GPC6: variants seen among roughly 807,000 people sequenced by gnomAD.
GPC6 encodes the protein glypican 6.
In GPC6, 14 loss-of-function variants were observed where a neutral mutation model predicts 55.2. That is an observed-to-expected ratio of 0.25 (90% confidence interval 0.17 to 0.40). The LOEUF (loss-of-function observed/expected upper bound fraction) is 0.40. Among genes scored for constraint, GPC6 ranks in the 10% least tolerant of loss-of-function variants. The pLI, the probability that GPC6 is intolerant of heterozygous loss-of-function variation, is 1.00. For missense variants in GPC6, 641 were observed against 708.5 expected (o/e 0.90, Z 1.08); for synonymous variants, 278 against 259.6 (o/e 1.07, Z -0.68).
intron 1 of GPC6, among the ~76,000 whole-genome samples, chr13:93,434,896 G>A (rs376404820): frequency 1.7e-4 from 26 of 151,920 alleles, no homozygotes; most frequent in African/African-American, 4.1e-4. Context: ...TAGTAGAGAC[G>A]AGGTTTCACC....
intron 6 of GPC6, among the ~76,000 whole-genome samples, chr13:94,362,152 A>C (rs565854251): frequency 6.6e-6 from 1 of 152,216 alleles, no homozygotes; most frequent in Non-Finnish European, 1.5e-5. Flanking sequence ...GCTTCAACAT[A>C]GGCTGAAATG....
intron 2 of GPC6, among the ~76,000 whole-genome samples, chr13:93,741,631 T>C (rs2138850015): frequency 6.6e-6 from 1 of 152,324 alleles, no homozygotes; most frequent in Non-Finnish European, 1.5e-5. Context: ...ATTGTATTAA[T>C]CTCCCTATAT....
At chr13:93,455,035 A>C (rs1468776092) in intron 1 of GPC6, among the ~76,000 whole-genome samples, 1 of 152,198 alleles carries the variant, frequency 6.6e-6, no homozygotes, top group Admixed American at 6.5e-5. Flanking sequence ...CCGGGTGCTA[A>C]GCCCCTTATT....
At chr13:93,552,053 T>C (rs1468990368) in intron 2 of GPC6, among the ~76,000 whole-genome samples, 1 of 152,212 alleles carries the variant, frequency 6.6e-6, no homozygotes, top group Non-Finnish European at 1.5e-5. Context: ...TCATAGGGCT[T>C]ATAATGTTAA....
chr13:93,486,339 G>A (rs778615732), intron 1 of GPC6, among the ~76,000 whole-genome samples: 1 of 152,104 alleles, frequency 6.6e-6, no homozygotes, highest in Non-Finnish European at 1.5e-5. Context: ...TTCATGGCCT[G>A]CAGTGGTCAA....
intron 1 of GPC6, among the ~76,000 whole-genome samples, chr13:93,252,432 C>A (rs573921471): frequency 6.6e-6 from 1 of 152,290 alleles, no homozygotes; most frequent in South Asian, 2.1e-4. Context: ...TTGATTTGTG[C>A]ACACTCGTGA....
intron 2 of GPC6, among the ~76,000 whole-genome samples, chr13:93,825,587 T>A (rs985156628): frequency 3.9e-5 from 6 of 152,174 alleles, no homozygotes; most frequent in African/African-American, 1.4e-4. Flanking sequence ...AATGGCACTG[T>A]GGGTCTCCCT....
At chr13:93,676,248 C>A (rs1881628185) in intron 2 of GPC6, among the ~76,000 whole-genome samples, 1 of 146,246 alleles carries the variant, frequency 6.8e-6, no homozygotes, top group African/African-American at 2.6e-5. Flanking sequence ...TATATACACA[C>A]ATATATATAC....
intron 3 of GPC6, among the ~76,000 whole-genome samples, chr13:93,934,701 A>G (rs1349436681): frequency 2.0e-5 from 3 of 151,128 alleles, no homozygotes; most frequent in African/African-American, 7.4e-5. Context: ...TAAGGATGTA[A>G]TATGTGACCA....
At chr13:93,957,188 T>G (rs1879547964) in intron 3 of GPC6, among the ~76,000 whole-genome samples, 2 of 152,170 alleles carry the variant, frequency 1.3e-5, no homozygotes, top group African/African-American at 2.4e-5. Context: ...CATAAACTAT[T>G]TACTATTTAA....
chr13:94,336,285 AATATG>A (rs1877696091), intron 6 of GPC6, among the ~76,000 whole-genome samples: 1 of 152,104 alleles, frequency 6.6e-6, no homozygotes, highest in African/African-American at 2.4e-5. Context: ...GAGCTGTTGA[AATATG>A]AACCAAGCAG....
At chr13:94,227,300 T>A (rs1890588527) in intron 4 of GPC6, among the ~76,000 whole-genome samples, 1 of 152,188 alleles carries the variant, frequency 6.6e-6, no homozygotes, top group Non-Finnish European at 1.5e-5. Context: ...AAGAAGAGCG[T>A]TAGTGTCTGT....
At chr13:93,805,534 A>ATAC (rs1296164264) in intron 2 of GPC6, among the ~76,000 whole-genome samples, 4 of 152,218 alleles carry the variant, frequency 2.6e-5, no homozygotes, top group African/African-American at 9.6e-5. Context: ...AGACTATCAT[A>ATAC]TACTACATTT....
At chr13:93,338,102 T>C (rs978930317) in intron 1 of GPC6, among the ~76,000 whole-genome samples, 3 of 152,190 alleles carry the variant, frequency 2.0e-5, no homozygotes, top group African/African-American at 7.2e-5. Context: ...TTTTAGGAAT[T>C]TGGATTCATG....
chr13:94,244,269 G>T (rs1465388911), intron 4 of GPC6, among the ~76,000 whole-genome samples: 1 of 152,130 alleles, frequency 6.6e-6, no homozygotes, highest in African/African-American at 2.4e-5. Flanking sequence ...ACTCCGCAAA[G>T]CTTAATTATG....
At chr13:93,504,524 C>A (rs1243730103) in intron 1 of GPC6, among the ~76,000 whole-genome samples, 2 of 124,548 alleles carry the variant, frequency 1.6e-5, no homozygotes, top group Non-Finnish European at 1.6e-5. Context: ...TGGATTGTAA[C>A]TTTTTTGGGG....
intron 2 of GPC6, among the ~76,000 whole-genome samples, chr13:93,693,673 C>T (rs1882345435): frequency 6.6e-6 from 1 of 151,956 alleles, no homozygotes; most frequent in Admixed American, 6.6e-5. Flanking sequence ...TTTTGGTAGA[C>T]ACAGGGTTTC....
chr13:94,044,948 T>A (rs540105858), intron 4 of GPC6, among the ~76,000 whole-genome samples: 82 of 152,028 alleles, frequency 5.4e-4, no homozygotes, highest in Middle Eastern at 3.4e-3. Context: ...ACTAGGATAT[T>A]CTTGCTAATA....
chr13:93,345,192 T>C (rs1290878865), intron 1 of GPC6, among the ~76,000 whole-genome samples: 2 of 152,068 alleles, frequency 1.3e-5, no homozygotes, highest in Admixed American at 1.3e-4. Flanking sequence ...CCTTGCCTTA[T>C]CAGTCTTCTA....
Sources: gnomAD v4.1 joint callset for allele counts (sites outside exome capture counted in the v4.1 genomes callset) on GRCh38, gnomAD v4.1.1 for gene constraint, MANE v1.5 for transcripts, NCBI Gene and HGNC (gene_info 2026-07-23, HGNC 2026-07-21) for gene names.